The following STX11 variants were observed in gnomAD, a reference collection of about 807,000 sequenced individuals.
The protein encoded by STX11 is syntaxin-11.
A neutral mutation model predicts 19.9 loss-of-function variants in STX11; 21 were observed. The observed-to-expected ratio is 1.06, with a 90% CI of 0.75 to 1.52. STX11 has a LOEUF of 1.52. Among genes scored for constraint, STX11 ranks in the 40% most tolerant of loss-of-function variants. The probability of loss-of-function intolerance (pLI) is 0.00; values close to 1 mark genes in which losing one functional copy is unlikely to be tolerated. For missense variants in STX11, 438 were observed against 405.9 expected (o/e 1.08, Z -0.68); for synonymous variants, 193 against 174.4 (o/e 1.11, Z -0.84).
In STX11 at chr6:144,175,220, G is replaced by A. The variant is rs530874114; in HGVS notation, c.-5-11403G>A. On this transcript the variant is annotated intron_variant, in intron 1 of 1. Coordinates refer to ENST00000367568, the MANE Select transcript of STX11 (RefSeq NM_003764.4). The surrounding 1 kb of genome is among the most constrained non-coding windows in gnomAD (Gnocchi z 5.1). ...ATTGTGCCACTGTACTCCAGCCTGG[G>A]CAACAGAGCGAGACCCTGTGTCAAA... 5.3e-5 allele frequency among the ~76,000 whole-genome samples: 8 copies of A among 152,286 alleles called. No homozygotes were observed. In the South Asian group the frequency reaches 1.2e-3, roughly 24 times the overall value.
At position 144,156,171 on chromosome 6, in the gene STX11, T is replaced by G. The variant is rs1394341027; in HGVS notation, c.-6+5468T>G. 2.0e-5 allele frequency among the ~76,000 whole-genome samples: 3 copies of G among 149,318 alleles called. No individual in the cohort carries two copies. In the East Asian group the frequency reaches 6.1e-4, roughly 30 times the overall value. ...CCTCCACCTCCCGGGTTCAAGCAAT[T>G]CTCCTGCCTCAGTCTCCCAAGCAGC... On this transcript the variant is annotated intron_variant, in intron 1 of 1. Coordinates refer to ENST00000367568, the MANE Select transcript of STX11 (RefSeq NM_003764.4).
rs1174123119 is a variant in STX11 at position 144,166,525 on chromosome 6, CTTTTTTT to C, written c.-6+15835_-6+15841del. On this transcript the variant is annotated intron_variant, in intron 1 of 1. Coordinates refer to ENST00000367568, the MANE Select transcript of STX11 (RefSeq NM_003764.4). ...CTTTCTGTTTCTTTTCTTTTCTTTC[CTTTTTTT>C]TTTTTTTTTTTTGAGAAAGAGTCTC... 4.0e-5 allele frequency among the ~76,000 whole-genome samples: 5 copies of C among 125,532 alleles called. 1 individual carries two copies. In the South Asian group the frequency reaches 1.3e-3, roughly 32 times the overall value. The allele number at this position is 125,532 out of a possible 152,430, so 82.4% of individuals were successfully genotyped here. A position where few individuals can be genotyped will look rare whatever the true frequency, so the allele number is the denominator to read the frequency against.
At position 144,189,799 on chromosome 6, in the gene STX11, T is replaced by C. The variant is rs1021013317; in HGVS notation, c.*2308T>C. 6.6e-6 allele frequency among the ~76,000 whole-genome samples: 1 copy of C among 152,194 alleles called. No homozygotes were observed. The highest frequency in any genetic ancestry group is 2.4e-5 in the African/African-American group (1 of 41,454). On this transcript the variant is annotated 3_prime_UTR_variant, in exon 2 of 2. Transcript: ENST00000367568. The stretch of plus-strand genomic sequence containing the variant: ...TATTCTCATATTTCTCCCAATTTCT[T>C]TTTCAGCCAACTCCAAGGATATGTA...
the STX11 span, among the ~76,000 whole-genome samples, chr6:144,140,231 T>C: frequency 2.0e-4 from 9 of 45,806 alleles, no homozygotes; most frequent in East Asian, 4.9e-3. Flanking sequence ...TATATATATA[T>C]ATATATATAT....
Position 144,160,976 on chromosome 6 carries a change from CT to C in STX11, c.-6+10277del, listed in dbSNP as rs1801320462. Among the ~76,000 whole-genome samples, 1 of 152,096 alleles carries C rather than the reference CT, an allele frequency of 6.6e-6. No homozygotes were observed. Among genetic ancestry groups the C allele is most frequent in the Non-Finnish European group, 1.5e-5 (1 of 68,002 alleles). On this transcript the variant is annotated intron_variant, in intron 1 of 1. Coordinates refer to ENST00000367568, the MANE Select transcript of STX11 (RefSeq NM_003764.4). This position sits in a 1 kb window ranked among gnomAD's most constrained non-coding sequence, Gnocchi z 4.3. ...ATTCATGTTCTCATTTTTTGTCTTG[CT>C]TTTACCATAAATATTATATAAAAGG...
Position 144,152,162 on chromosome 6 carries a change from A to G in STX11, c.-6+1459A>G, listed in dbSNP as rs1801023608. Among the ~76,000 whole-genome samples, 1 of 152,238 alleles carries G rather than the reference A, an allele frequency of 6.6e-6. No individual in the cohort carries two copies. On this transcript the variant is annotated intron_variant, in intron 1 of 1. Coordinates refer to ENST00000367568, the MANE Select transcript of STX11 (RefSeq NM_003764.4). The surrounding 1 kb of genome is among the most constrained non-coding windows in gnomAD (Gnocchi z 4.9). ...CCCAGTGTATTTAAAGAGTAGACTC[A>G]GCAGATTATCACCCCTAGATAATTG...
intron 1 of STX11, among the ~76,000 whole-genome samples, chr6:144,178,206 T>C (rs867388140): frequency 6.6e-6 from 1 of 152,198 alleles, no homozygotes; most frequent in Non-Finnish European, 1.5e-5. Context: ...GGGATTTATA[T>C]CTCAACTCCA....
rs1422871547 is a variant in STX11 at position 144,188,914 on chromosome 6, G to A, written c.*1423G>A. Among the ~76,000 whole-genome samples, 2 of 151,996 alleles carry A rather than the reference G, an allele frequency of 1.3e-5. No individual in the cohort carries two copies. Among genetic ancestry groups the A allele is most frequent in the Non-Finnish European group, 2.9e-5 (2 of 67,980 alleles). On this transcript the variant is annotated 3_prime_UTR_variant, in exon 2 of 2. Coordinates refer to ENST00000367568, the MANE Select transcript of STX11 (RefSeq NM_003764.4). ...GCTAATTTTTTATGTTTTTAGTAAA[G>A]ACGGTGTTTCACCGTGTTAGCCAGG...
At position 144,153,671 on chromosome 6, in the gene STX11, G is replaced by A. The variant is rs766264973; in HGVS notation, c.-6+2968G>A. On this transcript the variant is annotated intron_variant, in intron 1 of 1. Coordinates refer to ENST00000367568, the MANE Select transcript of STX11 (RefSeq NM_003764.4). The surrounding 1 kb of genome is among the most constrained non-coding windows in gnomAD (Gnocchi z 5.0). ...GTGACATTGACCCTAGGAAGACACC[G>A]TGGAAACTGTTGTCATATTGCAGAT... is the stretch of plus-strand genomic sequence containing the variant. Among the ~76,000 whole-genome samples, 5 of 152,312 alleles carry A rather than the reference G, an allele frequency of 3.3e-5. No individual in the cohort carries two copies. Among genetic ancestry groups the A allele is most frequent in the Non-Finnish European group, 2.9e-5 (2 of 68,022 alleles).
At chr6:144,171,207 T>G (rs1398385162) in intron 1 of STX11, among the ~76,000 whole-genome samples, 1 of 152,128 alleles carries the variant, frequency 6.6e-6, no homozygotes, top group African/African-American at 2.4e-5. Flanking sequence ...CGTCCCTGAG[T>G]AGATGTGGAG....
rs547223204 is a variant in STX11, at chr6:144,188,271, TA to T, written c.*783del. The T allele has an allele frequency of 2.3e-4, 54 of 232,766 alleles. No individual in the cohort carries two copies. Among genetic ancestry groups the T allele is most frequent in the African/African-American group, 1.1e-3 (48 of 44,650 alleles). The allele number at this position is 232,766 out of a possible 1,614,324, so 14.4% of individuals were successfully genotyped here. On this transcript the variant is annotated 3_prime_UTR_variant, in exon 2 of 2. Coordinates refer to ENST00000367568, the MANE Select transcript of STX11 (RefSeq NM_003764.4). ...ACTTGATTACATATGCACATGTATGTAAATGTAAAATACTAATATTCACTAA... is the reference window on the plus strand; with the variant it reads ...ACTTGATTACATATGCACATGTATGTAATGTAAAATACTAATATTCACTAA...
rs1801262153 is a variant in STX11, at chr6:144,159,210, C to T, written c.-6+8507C>T. ...GAGGCTTTCCTATATGCCGGGTGCT[C>T]TGGAGTAAATGGTGCAGACACAACA... On this transcript the variant is annotated intron_variant, in intron 1 of 1. Coordinates refer to ENST00000367568, the MANE Select transcript of STX11 (RefSeq NM_003764.4). This position sits in a 1 kb window ranked among gnomAD's most constrained non-coding sequence, Gnocchi z 4.3. Among the ~76,000 whole-genome samples, 1 of 152,154 alleles carries T rather than the reference C, an allele frequency of 6.6e-6. No homozygotes were observed. Among genetic ancestry groups the T allele is most frequent in the Admixed American group, 6.5e-5 (1 of 15,280 alleles).
At chr6:144,168,580 G>A (rs564119393) in intron 1 of STX11, among the ~76,000 whole-genome samples, 2 of 152,234 alleles carry the variant, frequency 1.3e-5, no homozygotes, top group African/African-American at 4.8e-5. Context: ...TATGTAAGGA[G>A]GTCATACATC....
At position 144,165,345 on chromosome 6, in the gene STX11, C is replaced by G. The variant is rs1253263606; in HGVS notation, c.-6+14642C>G. Among the ~76,000 whole-genome samples, 1 of 151,924 alleles carries G rather than the reference C, an allele frequency of 6.6e-6. No homozygotes were observed. Among genetic ancestry groups the G allele is most frequent in the East Asian group, 1.9e-4 (1 of 5,170 alleles). The stretch of plus-strand genomic sequence containing the variant: ...TGGTGCATGTCTGTAATCCCAGCTA[C>G]TCGGGAGACTGAGGCAGGAGAATTG... On this transcript the variant is annotated intron_variant, in intron 1 of 1. Coordinates refer to ENST00000367568, the MANE Select transcript of STX11 (RefSeq NM_003764.4). This position sits in a 1 kb window ranked among gnomAD's most constrained non-coding sequence, Gnocchi z 5.8.
At position 144,151,387 on chromosome 6, in the gene STX11, G is replaced by A; in HGVS notation, c.-6+684G>A. 1.0e-6 allele frequency: 1 copy of A among 985,422 alleles called. No homozygotes were observed. Among genetic ancestry groups the A allele is most frequent in the Non-Finnish European group, 1.2e-6 (1 of 829,932 alleles). 61.0% of individuals were successfully genotyped at this position (985,422 alleles called of 1,614,324 possible). A position where few individuals can be genotyped will look rare whatever the true frequency, so the allele number is the denominator to read the frequency against. ...TGTTTCAGCCGTTTCTCAGCAGAGG[G>A]AGGAGCTGTTATTTACAGGTATCCA... On this transcript the variant is annotated intron_variant, in intron 1 of 1. Coordinates refer to ENST00000367568, the MANE Select transcript of STX11 (RefSeq NM_003764.4). The surrounding 1 kb of genome is among the most constrained non-coding windows in gnomAD (Gnocchi z 4.6).
chr6:144,150,494 CG>C, upstream of STX11: 1 of 985,182 alleles, frequency 1.0e-6, no homozygotes, highest in Non-Finnish European at 1.2e-6. Context: ...TCCTAAGCGG[CG>C]GGGGCTGAGC....
In STX11 at chr6:144,152,416, G is replaced by T. The variant is rs192032608; in HGVS notation, c.-6+1713G>T. The stretch of plus-strand genomic sequence containing the variant: ...AACTTTTGAGTTTAGTCATTTACTT[G>T]TCTTTGTAGGCAGCCTATTCTTCAT... On this transcript the variant is annotated intron_variant, in intron 1 of 1. Coordinates refer to ENST00000367568, the MANE Select transcript of STX11 (RefSeq NM_003764.4). This position sits in a 1 kb window ranked among gnomAD's most constrained non-coding sequence, Gnocchi z 4.9. 6.6e-6 allele frequency among the ~76,000 whole-genome samples: 1 copy of T among 152,280 alleles called. No homozygotes were observed. The highest frequency in any genetic ancestry group is 1.5e-5 in the Non-Finnish European group (1 of 68,012).
intron 1 of STX11, among the ~76,000 whole-genome samples, chr6:144,185,526 T>C (rs1436694238): frequency 6.6e-6 from 1 of 152,216 alleles, no homozygotes; most frequent in African/African-American, 2.4e-5. Flanking sequence ...ACTATTACTT[T>C]GCCTTACTAA....
rs1309089826 is a variant in STX11 at position 144,180,074 on chromosome 6, G to C, written c.-5-6549G>C. Among the ~76,000 whole-genome samples the C allele has an allele frequency of 1.3e-5, 2 of 152,132 alleles. No homozygotes were observed. The highest frequency in any genetic ancestry group is 2.9e-5 in the Non-Finnish European group (2 of 68,030). On this transcript the variant is annotated intron_variant, in intron 1 of 1. Coordinates refer to ENST00000367568, the MANE Select transcript of STX11 (RefSeq NM_003764.4). The surrounding 1 kb of genome is among the most constrained non-coding windows in gnomAD (Gnocchi z 5.3). ...ATAAGCTTCACAAGGTTTGCTGTGT[G>C]CCTTGAGCTGCTCTGTATTGCATAT...
Sources: allele counts gnomAD v4.1 joint callset (sites outside exome capture counted in the v4.1 genomes callset), GRCh38; gene constraint gnomAD v4.1.1; non-coding constraint Gnocchi (gnomAD v3.1); transcripts MANE v1.5; gene names NCBI Gene and HGNC (gene_info 2026-07-23, HGNC 2026-07-21).